Variants in AKAP6 observed in about 807,000 individuals in gnomAD.
AKAP6 encodes the protein A-kinase anchor protein 6.
In AKAP6, 58 loss-of-function variants were observed where a neutral mutation model predicts 188.5. The observed-to-expected ratio is 0.31, with a 90% CI of 0.25 to 0.38. AKAP6 has a LOEUF of 0.38. Ranked by LOEUF, AKAP6 falls within the 10% of genes least tolerant of loss-of-function variation. The pLI is 1.00. For missense variants in AKAP6, 2,710 were observed against 2,740.0 expected (o/e 0.99, Z 0.24); for synonymous variants, 989 against 998.6 (o/e 0.99, Z 0.18).
intron 7 of AKAP6, among the ~76,000 whole-genome samples, chr14:32,623,904 G>A (rs3825753): frequency 0.1 from 15,949 of 152,066 alleles, 1,523 homozygotes; most frequent in East Asian, 0.52. Context: ...ATCTGCTCAT[G>A]GAAGCATGGA....
intron 1 of AKAP6, among the ~76,000 whole-genome samples, chr14:32,391,099 G>A (rs964697380): frequency 6.6e-6 from 1 of 152,166 alleles, no homozygotes; most frequent in African/African-American, 2.4e-5. Context: ...ACTCCTCAAT[G>A]ACACAAGACC....
intron 1 of AKAP6, among the ~76,000 whole-genome samples, chr14:32,360,066 C>G (rs1401095238): frequency 1.3e-5 from 2 of 152,084 alleles, no homozygotes; most frequent in East Asian, 3.8e-4. Context: ...GTTAAAAGCA[C>G]CATAGTCATT....
At chr14:32,512,285 G>A (rs1476350877) in intron 2 of AKAP6, among the ~76,000 whole-genome samples, 1 of 152,122 alleles carries the variant, frequency 6.6e-6, no homozygotes, top group African/African-American at 2.4e-5. Context: ...CTCGTTGTTT[G>A]ATATGAGTAG....
chr14:32,643,983 T>C (rs1887874775), intron 7 of AKAP6, among the ~76,000 whole-genome samples: 2 of 152,224 alleles, frequency 1.3e-5, no homozygotes, highest in Admixed American at 1.3e-4. Flanking sequence ...TATATTCACC[T>C]GACACACTGA....
intron 12 of AKAP6, among the ~76,000 whole-genome samples, chr14:32,791,194 C>T (rs936374778): frequency 6.6e-6 from 1 of 152,192 alleles, no homozygotes; most frequent in African/African-American, 2.4e-5. Flanking sequence ...AATCACTACA[C>T]TGTCTTCCAC....
intron 12 of AKAP6, among the ~76,000 whole-genome samples, chr14:32,813,064 T>A (rs958553742): frequency 6.6e-6 from 1 of 152,164 alleles, no homozygotes; most frequent in Non-Finnish European, 1.5e-5. Flanking sequence ...TGCCTTCACT[T>A]CAGATGCCAA....
At chr14:32,600,343 A>G (rs1006296564) in intron 6 of AKAP6, among the ~76,000 whole-genome samples, 1 of 152,100 alleles carries the variant, frequency 6.6e-6, no homozygotes, top group African/African-American at 2.4e-5. Context: ...ATTTTTATAC[A>G]TTGTGATTTT....
At chr14:32,426,837 C>T (rs1414333184) in intron 1 of AKAP6, among the ~76,000 whole-genome samples, 1 of 152,080 alleles carries the variant, frequency 6.6e-6, no homozygotes, top group Non-Finnish European at 1.5e-5. Context: ...ATGGGAAGAT[C>T]TGAATAATTG....
chr14:32,623,079 T>C lies in AKAP6; in HGVS notation c.2730+22287T>C, dbSNP rs150566388. Among the ~76,000 whole-genome samples the C allele has an allele frequency of 9.5e-4, 145 of 152,234 alleles. 1 individual carries two copies. Among genetic ancestry groups the C allele is most frequent in the African/African-American group, 3.2e-3 (133 of 41,544 alleles). On this transcript the variant is annotated intron_variant, in intron 7 of 13. Coordinates refer to ENST00000280979, the MANE Select transcript of AKAP6 (RefSeq NM_004274.5). The stretch of plus-strand genomic sequence containing the variant: ...TATCCTATGATTCCTGGGCTTTCTC[T>C]TCAGTGCTAAAATACTGGTCCTATA...
intron 9 of AKAP6, among the ~76,000 whole-genome samples, chr14:32,699,171 T>C (rs1890525715): frequency 6.6e-6 from 1 of 152,142 alleles, no homozygotes; most frequent in Non-Finnish European, 1.5e-5. Context: ...TTCCTGACTT[T>C]ACCTATATAT....
rs529559904 is a variant in AKAP6, at chr14:32,529,542, T to C, written c.325-6012T>C. ...GTGCTGAGAGGAGGCATCCTTGCCT[T>C]GCTGTCAGTCTTTGCGGGAAAACTT... On this transcript the variant is annotated intron_variant, in intron 2 of 13. Coordinates refer to ENST00000280979, the MANE Select transcript of AKAP6 (RefSeq NM_004274.5). 2.7e-3 allele frequency among the ~76,000 whole-genome samples: 404 copies of C among 152,342 alleles called. 1 individual carries two copies. Among genetic ancestry groups the C allele is most frequent in the African/African-American group, 9.1e-3 (377 of 41,578 alleles).
At chr14:32,492,355 T>TATATAGAGAGAGAGAGAGAGAGAGAGAG in intron 2 of AKAP6, among the ~76,000 whole-genome samples, 49 of 82,594 alleles carry the variant, frequency 5.9e-4, no homozygotes, top group African/African-American at 1.5e-3. Context: ...TATATATATA[T>TATATAGAGAGAGAGAGAGAGAGAGAGAG]AGAGAGAGAG....
intron 8 of AKAP6, among the ~76,000 whole-genome samples, chr14:32,693,973 T>G (rs1890285960): frequency 6.6e-6 from 1 of 152,176 alleles, no homozygotes. Flanking sequence ...TTTGTCTCTT[T>G]TATAGTGGTC....
chr14:32,590,197 G>C (rs577800125), intron 5 of AKAP6, among the ~76,000 whole-genome samples: 43 of 152,094 alleles, frequency 2.8e-4, no homozygotes, highest in Middle Eastern at 3.4e-3. Context: ...GAGAAGCTTG[G>C]GTGTTCTTAG....
intron 4 of AKAP6, among the ~76,000 whole-genome samples, chr14:32,556,236 T>C (rs781120744): frequency 8.5e-5 from 13 of 152,234 alleles, no homozygotes; most frequent in Non-Finnish European, 1.6e-4. Flanking sequence ...CATATACTTG[T>C]TGGCTATTTG....
At chr14:32,361,505 A>G (rs1178024191) in intron 1 of AKAP6, among the ~76,000 whole-genome samples, 1 of 152,176 alleles carries the variant, frequency 6.6e-6, no homozygotes, top group Admixed American at 6.5e-5. Context: ...CACAGTAAGT[A>G]GTGAATCAGG....
At chr14:32,381,864 G>A (rs1356156294) in intron 1 of AKAP6, among the ~76,000 whole-genome samples, 2 of 152,014 alleles carry the variant, frequency 1.3e-5, no homozygotes, top group Non-Finnish European at 2.9e-5. Context: ...TTTAACCAGT[G>A]TCTCTCCTCA....
At chr14:32,559,032 A>G (rs773971831) in intron 4 of AKAP6, among the ~76,000 whole-genome samples, 4 of 152,246 alleles carry the variant, frequency 2.6e-5, no homozygotes, top group Non-Finnish European at 5.9e-5. Flanking sequence ...ATGTGAAGTT[A>G]GAAAGAATAG....
intron 9 of AKAP6, among the ~76,000 whole-genome samples, chr14:32,709,326 T>A (rs1890944045): frequency 6.6e-6 from 1 of 151,810 alleles, no homozygotes. Flanking sequence ...TTTTTTTTTT[T>A]AATCTGAAGT....
Sources: gnomAD v4.1 joint callset for allele counts (sites outside exome capture counted in the v4.1 genomes callset) on GRCh38, gnomAD v4.1.1 for gene constraint, MANE v1.5 for transcripts, NCBI Gene and HGNC (gene_info 2026-07-23, HGNC 2026-07-21) for gene names.